EDIL3: variants seen among roughly 807,000 people sequenced by gnomAD.
The protein encoded by EDIL3 is EGF like and discoidin domains 3.
Under a neutral mutation model 67.4 loss-of-function variants are expected in EDIL3, and 37 were observed. The ratio of observed to expected loss-of-function variants is 0.55; its 90% CI spans 0.42 to 0.72. The LOEUF is 0.72. EDIL3 is among the 30% of genes least tolerant of loss of function. The pLI, the probability that EDIL3 is intolerant of heterozygous loss-of-function variation, is 0.00. For missense variants in EDIL3, 527 were observed against 586.3 expected (o/e 0.90, Z 1.04); for synonymous variants, 195 against 196.3 (o/e 0.99, Z 0.05).
At chr5:84,236,360 T>C (rs1043065466) in intron 2 of EDIL3, among the ~76,000 whole-genome samples, 1 of 152,102 alleles carries the variant, frequency 6.6e-6, no homozygotes, top group Non-Finnish European at 1.5e-5. Context: ...TAAATATCTT[T>C]AAGTTAGGTG....
intron 5 of EDIL3, among the ~76,000 whole-genome samples, chr5:84,128,626 G>C (rs1028701974): frequency 2.0e-5 from 3 of 152,038 alleles, no homozygotes; most frequent in African/African-American, 7.2e-5. Context: ...TTTTGTAAGG[G>C]TGAGGGTTGG....
At chr5:84,236,519 A>G (rs1182125366) in intron 2 of EDIL3, among the ~76,000 whole-genome samples, 1 of 151,670 alleles carries the variant, frequency 6.6e-6, no homozygotes, top group African/African-American at 2.4e-5. Flanking sequence ...ACCACCTTCA[A>G]CTCCTTAGTA....
At chr5:84,058,291 G>A (rs1225582776) in intron 9 of EDIL3, among the ~76,000 whole-genome samples, 1 of 152,008 alleles carries the variant, frequency 6.6e-6, no homozygotes, top group Non-Finnish European at 1.5e-5. Context: ...CTGAAACAGA[G>A]GGAGTAATGA....
chr5:83,947,589 A>G (rs1383576847), intron 10 of EDIL3, among the ~76,000 whole-genome samples: 3 of 151,848 alleles, frequency 2.0e-5, no homozygotes, highest in African/African-American at 7.2e-5. Flanking sequence ...GATCTGGAAG[A>G]GAACTCAGAG....
intron 6 of EDIL3, among the ~76,000 whole-genome samples, chr5:84,073,825 C>T (rs373817646): frequency 5.3e-5 from 8 of 152,022 alleles, no homozygotes; most frequent in Middle Eastern, 3.4e-3. Flanking sequence ...AATGACTTTC[C>T]TCACAGAATT....
chr5:84,201,973 A>G (rs2112379013), intron 3 of EDIL3, among the ~76,000 whole-genome samples: 1 of 152,250 alleles, frequency 6.6e-6, no homozygotes, highest in African/African-American at 2.4e-5. Flanking sequence ...TTGTGTTGTA[A>G]AGAGTTTTAG....
intron 2 of EDIL3, among the ~76,000 whole-genome samples, chr5:84,251,403 C>T (rs542561660): frequency 9.3e-4 from 140 of 151,032 alleles, no homozygotes; most frequent in Admixed American, 2.8e-3. Flanking sequence ...GCGTGAGCCA[C>T]CACGCCCGGC....
At chr5:84,363,504 A>C (rs779055663) in intron 1 of EDIL3, among the ~76,000 whole-genome samples, 12 of 152,126 alleles carry the variant, frequency 7.9e-5, no homozygotes, top group Non-Finnish European at 1.2e-4. Flanking sequence ...TATGATTTTG[A>C]AATTGAGCTT....
intron 1 of EDIL3, among the ~76,000 whole-genome samples, chr5:84,354,013 A>G (rs995720775): frequency 2.3e-4 from 35 of 152,320 alleles, no homozygotes; most frequent in African/African-American, 8.2e-4. Flanking sequence ...TTTTGCCTCC[A>G]TGAGAAACTT....
At chr5:84,340,534 C>CTCTCTCTCTCTATA (rs1432966515) in intron 1 of EDIL3, among the ~76,000 whole-genome samples, 10 of 54,210 alleles carry the variant, frequency 1.8e-4, no homozygotes, top group East Asian at 6.9e-4. Context: ...CTCTCTCTCT[C>CTCTCTCTCTCTATA]TATATATATA....
At chr5:84,084,348 A>T (rs1486141801) in intron 6 of EDIL3, among the ~76,000 whole-genome samples, 4 of 152,206 alleles carry the variant, frequency 2.6e-5, no homozygotes, top group Admixed American at 6.5e-5. Context: ...AATTGAGAGA[A>T]CATCATTCTT....
intron 1 of EDIL3, among the ~76,000 whole-genome samples, chr5:84,299,151 G>C (rs541296059): frequency 6.6e-6 from 1 of 152,252 alleles, no homozygotes; most frequent in Admixed American, 6.5e-5. Context: ...AACACACCAC[G>C]AGGACAGGTA....
chr5:83,981,728 C>A (rs950964330), intron 9 of EDIL3, among the ~76,000 whole-genome samples: 2 of 152,016 alleles, frequency 1.3e-5, no homozygotes, highest in African/African-American at 4.8e-5. Flanking sequence ...AATAACAGGA[C>A]TGTTTAAAAT....
chr5:84,017,566 C>T (rs1308656287), intron 9 of EDIL3, among the ~76,000 whole-genome samples: 1 of 152,092 alleles, frequency 6.6e-6, no homozygotes, highest in East Asian at 1.9e-4. Flanking sequence ...ACAAATTTGG[C>T]ACACCAGTGC....
Position 84,069,704 on chromosome 5 carries a change from G to A in EDIL3, c.652-3098C>T, listed in dbSNP as rs562975777. 4.9e-4 allele frequency among the ~76,000 whole-genome samples: 75 copies of A among 152,100 alleles called. 1 individual carries two copies. The South Asian group carries it at 0.015, about 30-fold the overall frequency. ...ATGGGGTGGCGACAGGGAAGTGCTG[G>A]GAGGAGAAGGGCAGGGACCCTGGCG... On this transcript the variant is annotated intron_variant, in intron 6 of 10. Coordinates refer to ENST00000296591, the MANE Select transcript of EDIL3 (RefSeq NM_005711.5).
chr5:84,249,063 C>T lies in EDIL3; in HGVS notation c.196+5021G>A, dbSNP rs1744969133. 2.6e-5 allele frequency among the ~76,000 whole-genome samples: 4 copies of T among 152,124 alleles called. No individual in the cohort carries two copies. In the South Asian group the frequency reaches 8.3e-4, roughly 31 times the overall value. On this transcript the variant is annotated intron_variant, in intron 2 of 10. Coordinates refer to ENST00000296591, the MANE Select transcript of EDIL3 (RefSeq NM_005711.5). ...AGAGTATCTGCCACTTGTCACCATC[C>T]TCAGAGTCAGTGCTGGCCACCATGT...
intron 1 of EDIL3, among the ~76,000 whole-genome samples, chr5:84,328,956 C>A (rs1198406105): frequency 6.6e-6 from 1 of 152,048 alleles, no homozygotes; most frequent in Non-Finnish European, 1.5e-5. Context: ...TTTTTTGCCA[C>A]AGAACCATCA....
intron 1 of EDIL3, among the ~76,000 whole-genome samples, chr5:84,335,795 A>AGAC (rs1746974300): frequency 6.6e-6 from 1 of 152,176 alleles, no homozygotes; most frequent in Admixed American, 6.5e-5. Flanking sequence ...TTAACGTCTA[A>AGAC]GACTGGGTAG....
chr5:84,343,771 G>A (rs899218850), intron 1 of EDIL3, among the ~76,000 whole-genome samples: 2 of 152,048 alleles, frequency 1.3e-5, no homozygotes, highest in African/African-American at 4.8e-5. Context: ...CTCTAGCAAA[G>A]CCTATCCCCT....
Sources: allele counts gnomAD v4.1 joint callset (sites outside exome capture counted in the v4.1 genomes callset), GRCh38; gene constraint gnomAD v4.1.1; transcripts MANE v1.5; gene names NCBI Gene and HGNC (gene_info 2026-07-23, HGNC 2026-07-21).